XRCC4: variants seen among roughly 807,000 people sequenced by gnomAD.
XRCC4 encodes the protein X-ray repair cross complementing 4.
XRCC4 carries 28 observed loss-of-function variants against 39.1 expected under a neutral mutation model. The observed-to-expected ratio is 0.72, with a 90% confidence interval of 0.53 to 0.98. The LOEUF (loss-of-function observed/expected upper bound fraction) is 0.98, where lower values mean the gene tolerates loss of function less well. Among genes scored for constraint, XRCC4 ranks in the 50% least tolerant of loss-of-function variants. XRCC4 has a pLI of 0.00. For missense variants in XRCC4, 350 were observed against 376.4 expected (o/e 0.93, Z 0.58); for synonymous variants, 123 against 126.4 (o/e 0.97, Z 0.18).
chr5:83,218,682 G>C (rs1480505041), intron 6 of XRCC4, among the ~76,000 whole-genome samples: 1 of 152,024 alleles, frequency 6.6e-6, no homozygotes, highest in Non-Finnish European at 1.5e-5. Context: ...ACTACTCTGA[G>C]AATTTACTTA....
chr5:83,123,009 T>G (rs1561342231), intron 3 of XRCC4, among the ~76,000 whole-genome samples: 1 of 141,438 alleles, frequency 7.1e-6, no homozygotes, highest in Non-Finnish European at 1.5e-5. Context: ...TTGCTATTTT[T>G]GGGTGTTATT....
At chr5:83,258,899 T>C (rs1753653719) in intron 7 of XRCC4, 2 of 506,530 alleles carry the variant, frequency 3.9e-6, no homozygotes, top group African/African-American at 4.1e-5. Flanking sequence ...AAAAATTTTT[T>C]TCTCATGGTT....
chr5:83,297,183 AT>A (rs140825772), intron 7 of XRCC4, among the ~76,000 whole-genome samples: 35 of 152,116 alleles, frequency 2.3e-4, no homozygotes, highest in Admixed American at 4.6e-4. Context: ...ATTTGGAATT[AT>A]ACTAAAAGTG....
At chr5:83,129,737 A>G (rs918764505) in intron 3 of XRCC4, among the ~76,000 whole-genome samples, 1 of 152,060 alleles carries the variant, frequency 6.6e-6, no homozygotes, top group Non-Finnish European at 1.5e-5. Flanking sequence ...CTTTGTAGCA[A>G]TTGTGAATGG....
chr5:83,282,638 C>T (rs929871214), intron 7 of XRCC4, among the ~76,000 whole-genome samples: 6 of 151,910 alleles, frequency 3.9e-5, no homozygotes, highest in East Asian at 1.9e-4. Context: ...GGTCAGAGAT[C>T]GAGACCATCC....
At chr5:83,365,580 C>T in the XRCC4 span, among the ~76,000 whole-genome samples, 3 of 152,232 alleles carry the variant, frequency 2.0e-5, no homozygotes, top group South Asian at 4.2e-4. Flanking sequence ...AAGCTGAAAA[C>T]AATCCCCTTT....
intron 5 of XRCC4, 45 bp from the exon 6 acceptor site, chr5:83,204,769 AG>A (rs764390567): frequency 1.4e-6 from 2 of 1,450,496 alleles, no homozygotes; most frequent in South Asian, 1.2e-5. Flanking sequence ...GCTGCCTAGC[AG>A]GGGGTGAGCC....
intron 6 of XRCC4, among the ~76,000 whole-genome samples, chr5:83,229,539 G>A (rs1752416748): frequency 6.6e-6 from 1 of 151,152 alleles, no homozygotes. Flanking sequence ...TCTTATTTTG[G>A]GGGGAAAAAA....
the XRCC4 span, among the ~76,000 whole-genome samples, chr5:83,364,729 T>C: frequency 6.6e-6 from 1 of 152,224 alleles, no homozygotes; most frequent in Non-Finnish European, 1.5e-5. Flanking sequence ...TGAGTCTTCA[T>C]TACACTTAAT....
intron 7 of XRCC4, among the ~76,000 whole-genome samples, chr5:83,347,637 G>C (rs761589125): frequency 2.8e-4 from 42 of 152,160 alleles, no homozygotes; most frequent in Admixed American, 1.2e-3. Flanking sequence ...TTCAACATGA[G>C]ATTTGGGTGC....
intron 7 of XRCC4, 69 bp downstream of exon 7, chr5:83,258,746 A>AT: frequency 6.6e-7 from 1 of 1,516,672 alleles, no homozygotes; most frequent in Middle Eastern, 1.8e-4. Context: ...GATCTTAAAA[A>AT]TTATGTTTTC....
intron 1 of XRCC4, among the ~76,000 whole-genome samples, chr5:83,085,396 A>G (rs1359361194): frequency 2.6e-5 from 4 of 152,204 alleles, no homozygotes; most frequent in African/African-American, 7.2e-5. Flanking sequence ...AACATGTCCA[A>G]ATGAACAGCT....
At chr5:83,081,165 A>G (rs1457199575) in intron 1 of XRCC4, among the ~76,000 whole-genome samples, 1 of 152,160 alleles carries the variant, frequency 6.6e-6, no homozygotes, top group Non-Finnish European at 1.5e-5. Flanking sequence ...AGGTTTTAGT[A>G]TTAAGTTGGT....
intron 7 of XRCC4, among the ~76,000 whole-genome samples, chr5:83,351,884 AAC>A (rs1757094987): frequency 6.6e-6 from 1 of 152,136 alleles, no homozygotes; most frequent in Non-Finnish European, 1.5e-5. Flanking sequence ...TCATCACCTA[AAC>A]ACACTTGATA....
At chr5:83,326,734 T>G (rs1328683473) in intron 7 of XRCC4, among the ~76,000 whole-genome samples, 4 of 152,074 alleles carry the variant, frequency 2.6e-5, no homozygotes, top group Non-Finnish European at 1.5e-5. Flanking sequence ...AGAAAGCAGC[T>G]TGTAATCTAT....
intron 6 of XRCC4, among the ~76,000 whole-genome samples, chr5:83,232,654 T>C (rs188871508): frequency 6.6e-6 from 1 of 152,246 alleles, no homozygotes; most frequent in Non-Finnish European, 1.5e-5. Context: ...GATATCCTCC[T>C]ATCTCTCTTC....
chr5:83,294,231 A>G (rs10514253), intron 7 of XRCC4, among the ~76,000 whole-genome samples: 8,487 of 152,112 alleles, frequency 0.056, 895 homozygotes, highest in East Asian at 0.48. Context: ...TTCTAAGTAC[A>G]CAAGAGGAAC....
intron 6 of XRCC4, among the ~76,000 whole-genome samples, chr5:83,207,646 G>A (rs1214243644): frequency 2.0e-5 from 3 of 151,976 alleles, no homozygotes; most frequent in Admixed American, 6.6e-5. Context: ...TCAAGAACTA[G>A]ATTTCATAGA....
chr5:83,178,324 A>C (rs78928293), intron 3 of XRCC4, among the ~76,000 whole-genome samples: 4,598 of 152,276 alleles, frequency 0.03, 94 homozygotes, highest in East Asian at 0.072. Context: ...TACAGACTTG[A>C]AATTCATCAG....
Sources: gnomAD v4.1 joint callset for allele counts (sites outside exome capture counted in the v4.1 genomes callset) on GRCh38, gnomAD v4.1.1 for gene constraint, MANE v1.5 for transcripts, NCBI Gene and HGNC (gene_info 2026-07-23, HGNC 2026-07-21) for gene names.